Variants in AXDND1 observed in about 807,000 individuals in gnomAD.
AXDND1 encodes the protein axonemal dynein light chain domain-containing protein 1.
A neutral mutation model predicts 137.5 loss-of-function variants in AXDND1; 110 were observed. The observed-to-expected ratio is 0.80, with a 90% CI of 0.69 to 0.94. The LOEUF (loss-of-function observed/expected upper bound fraction) is 0.94, where lower values mean the gene tolerates loss of function less well. Among genes scored for constraint, AXDND1 ranks in the 40% least tolerant of loss-of-function variants. The probability of loss-of-function intolerance (pLI) is 0.00; values close to 1 mark genes in which losing one functional copy is unlikely to be tolerated. For synonymous variants in AXDND1, 414 were observed against 399.7 expected (o/e 1.04, Z -0.43); for missense variants, 1,191 against 1,169.8 (o/e 1.02, Z -0.26).
rs199966358 is a variant in AXDND1 at position 179,385,289 on chromosome 1, A to G, written c.793A>G (p.Ile265Val). The change falls in exon 9 of 26, where the codon ATA (isoleucine) becomes GTA (valine). Residue 265 changes from isoleucine to valine, a missense_variant. Coordinates refer to ENST00000367618, the MANE Select transcript of AXDND1 (RefSeq NM_144696.6). Reference protein sequence around the residue: ...LKKEQTIYNMIFHELIRQVSV... With the variant: ...LKKEQTIYNMVFHELIRQVSV... ...GAAGGAACAGACCATTTACAACATGATATTTCATGAACTTATTCGACAAGT... is the reference window on the plus strand; with the variant it reads ...GAAGGAACAGACCATTTACAACATGGTATTTCATGAACTTATTCGACAAGT... 3.9e-5 allele frequency: 63 copies of G among 1,612,698 alleles called. No individual in the cohort carries two copies. The highest frequency in any genetic ancestry group is 1.6e-4 in the Middle Eastern group (1 of 6,078).
intron 4 of AXDND1, among the ~76,000 whole-genome samples, chr1:179,372,632 G>A (rs1017340130): frequency 5.3e-5 from 8 of 151,870 alleles, no homozygotes; most frequent in African/African-American, 9.7e-5. Context: ...GAGTGGAAGC[G>A]GGTGTTTTAC....
chr1:179,470,856 A>G (rs919994009), intron 17 of AXDND1, among the ~76,000 whole-genome samples: 3 of 152,136 alleles, frequency 2.0e-5, no homozygotes, highest in Non-Finnish European at 2.9e-5. Flanking sequence ...CCAGTCTTTC[A>G]CTATTAAGTA....
intron 16 of AXDND1, among the ~76,000 whole-genome samples, chr1:179,464,864 C>T (rs12140236): frequency 0.23 from 35,089 of 151,992 alleles, 4,368 homozygotes; most frequent in East Asian, 0.35. Context: ...TTCATTCATT[C>T]GATCTTCAAT....
intron 25 of AXDND1, among the ~76,000 whole-genome samples, chr1:179,539,358 T>C (rs1347261149): frequency 2.6e-5 from 4 of 152,226 alleles, no homozygotes; most frequent in African/African-American, 7.2e-5. Context: ...TAGTGCTTCC[T>C]TCAGGAGCTC....
At chr1:179,498,986 G>A (rs1396032198) in intron 20 of AXDND1, among the ~76,000 whole-genome samples, 2 of 152,108 alleles carry the variant, frequency 1.3e-5, no homozygotes, top group South Asian at 2.1e-4. Context: ...TGTTGGGAAT[G>A]TAAATTAGTC....
chr1:179,391,379 C>T (rs1030386600), intron 9 of AXDND1, among the ~76,000 whole-genome samples: 6 of 151,886 alleles, frequency 4.0e-5, no homozygotes, highest in Non-Finnish European at 8.8e-5. Context: ...ATCCAAATCT[C>T]ATCTTGAATT....
chr1:179,539,208 A>G (rs1393593487), intron 25 of AXDND1, among the ~76,000 whole-genome samples: 1 of 152,136 alleles, frequency 6.6e-6, no homozygotes, highest in African/African-American at 2.4e-5. Flanking sequence ...GAATATTGTT[A>G]TATGTGAATT....
rs533569062 is a variant in AXDND1, at chr1:179,370,191, A to C, written c.374+113A>C. ...AAAATCACTGAATCATAGATGATAA[A>C]ATTTACAGTATCTTTGAATCAGAAT... On this transcript the variant is annotated intron_variant, in intron 4 of 25. Transcript: ENST00000367618. 135 of 828,564 alleles carry C rather than the reference A, an allele frequency of 1.6e-4. 5 individuals are homozygous for C. In the South Asian group the frequency reaches 2.1e-3, roughly 13 times the overall value. 51.3% of individuals were successfully genotyped at this position (828,564 alleles called of 1,614,324 possible).
chr1:179,466,545 A>G (rs1663227908), intron 16 of AXDND1, among the ~76,000 whole-genome samples: 1 of 152,010 alleles, frequency 6.6e-6, no homozygotes, highest in South Asian at 2.1e-4. Flanking sequence ...CAGTCCTAGA[A>G]TTTATTAACT....
At chr1:179,494,604 G>A (rs1398937234) in intron 20 of AXDND1, among the ~76,000 whole-genome samples, 1 of 150,944 alleles carries the variant, frequency 6.6e-6, no homozygotes, top group Non-Finnish European at 1.5e-5. Context: ...GAACTCCTGA[G>A]CTCAAGTGAT....
intron 9 of AXDND1, among the ~76,000 whole-genome samples, chr1:179,385,742 T>C (rs1649095053): frequency 6.6e-6 from 1 of 152,204 alleles, no homozygotes; most frequent in African/African-American, 2.4e-5. Flanking sequence ...ACCTCTATTG[T>C]GGTTTCCTTG....
chr1:179,525,504 C>T (rs1572170553), intron 22 of AXDND1, 57 bp downstream of exon 22: 2 of 1,469,550 alleles, frequency 1.4e-6, no homozygotes, highest in African/African-American at 1.5e-5. Flanking sequence ...TACATACATA[C>T]ATATATTTTA....
chr1:179,523,326 A>G (rs1670248875), intron 21 of AXDND1, among the ~76,000 whole-genome samples: 1 of 151,756 alleles, frequency 6.6e-6, no homozygotes, highest in African/African-American at 2.4e-5. Context: ...TGTGTACAAC[A>G]TGATGTTTTG....
intron 11 of AXDND1, among the ~76,000 whole-genome samples, chr1:179,399,203 C>G (rs1031592308): frequency 2.6e-5 from 4 of 152,214 alleles, no homozygotes; most frequent in Admixed American, 2.6e-4. Context: ...GTCACCAAAA[C>G]AGTGTGGTAC....
At position 179,483,238 on chromosome 1, in the gene AXDND1, G is replaced by T. The variant is rs766862608; in HGVS notation, c.2091+17G>T. 3 of 1,537,100 alleles carry T rather than the reference G, an allele frequency of 2.0e-6. No individual in the cohort carries two copies. Among genetic ancestry groups the T allele is most frequent in the Non-Finnish European group, 2.6e-6 (3 of 1,134,272 alleles). ...CAGCACCACGTATGTACTTGTAAGG[G>T]TTTTTGACGTTATATTTTGCCTCGG... On this transcript the variant is annotated intron_variant, in intron 18 of 25. Transcript: ENST00000367618.
intron 23 of AXDND1, among the ~76,000 whole-genome samples, chr1:179,533,396 A>G (rs1488621385): frequency 6.6e-6 from 1 of 152,202 alleles, no homozygotes; most frequent in Non-Finnish European, 1.5e-5. Flanking sequence ...TTCTTAGTGA[A>G]GTAAATTATT....
At chr1:179,400,600 T>TAAAA (rs71111986) in intron 11 of AXDND1, among the ~76,000 whole-genome samples, 35,953 of 137,870 alleles carry the variant, frequency 0.26, 4,678 homozygotes, top group Non-Finnish European at 0.31. Flanking sequence ...AGGGAAGAAA[T>TAAAA]AAAAAAAAAA....
intron 11 of AXDND1, 25 bp downstream of exon 11, chr1:179,395,227 C>T: frequency 6.3e-7 from 1 of 1,580,126 alleles, no homozygotes; most frequent in Admixed American, 1.7e-5. Flanking sequence ...GTTTGTTTAG[C>T]TTACATAGGG....
intron 20 of AXDND1, among the ~76,000 whole-genome samples, chr1:179,498,218 G>A (rs1667647759): frequency 6.6e-6 from 1 of 151,950 alleles, no homozygotes; most frequent in Admixed American, 6.6e-5. Context: ...TGAGCAAAAG[G>A]AACAAAGCTG....
Sources: allele counts gnomAD v4.1 joint callset (sites outside exome capture counted in the v4.1 genomes callset), GRCh38; gene constraint gnomAD v4.1.1; transcripts MANE v1.5; gene names NCBI Gene and HGNC (gene_info 2026-07-23, HGNC 2026-07-21).